The following NARS2 variants were observed in gnomAD, a reference collection of about 807,000 sequenced individuals.
NARS2 encodes asparaginyl-tRNA synthetase 2, mitochondrial, also known as asparaginyl-tRNA synthetase.
Under a neutral mutation model 62.9 loss-of-function variants are expected in NARS2, and 60 were observed. The observed-to-expected ratio is 0.95, with a 90% CI of 0.77 to 1.18. The LOEUF (loss-of-function observed/expected upper bound fraction) is 1.18, where lower values mean the gene tolerates loss of function less well. Ranked by LOEUF, NARS2 falls within the 50% of genes most tolerant of loss-of-function variation. The pLI is 0.00. For missense variants in NARS2, 619 were observed against 576.4 expected (o/e 1.07, Z -0.76); for synonymous variants, 196 against 200.0 (o/e 0.98, Z 0.17).
At chr11:78,440,068 ATTAAT>A (rs2135131923) in intron 13 of NARS2, among the ~76,000 whole-genome samples, 1 of 152,200 alleles carries the variant, frequency 6.6e-6, no homozygotes, top group East Asian at 1.9e-4. Flanking sequence ...TTTTAAATTA[ATTAAT>A]TTATTTTTTG....
intron 11 of NARS2, among the ~76,000 whole-genome samples, chr11:78,457,816 AC>A (rs1858225111): frequency 6.6e-6 from 1 of 151,808 alleles, no homozygotes; most frequent in African/African-American, 2.4e-5. Flanking sequence ...ACACACACAC[AC>A]ACACACACAC....
At chr11:78,529,314 T>C (rs1017146830) in intron 5 of NARS2, among the ~76,000 whole-genome samples, 1 of 152,258 alleles carries the variant, frequency 6.6e-6, no homozygotes, top group African/African-American at 2.4e-5. Context: ...GACTTAATTA[T>C]CTCAAGAGAA....
intron 5 of NARS2, among the ~76,000 whole-genome samples, chr11:78,550,815 A>T (rs1358028460): frequency 1.3e-5 from 2 of 152,228 alleles, no homozygotes; most frequent in Non-Finnish European, 2.9e-5. Context: ...ATAGTGAAAC[A>T]GGTTAAAGGT....
intron 7 of NARS2, among the ~76,000 whole-genome samples, chr11:78,488,223 A>C (rs958994352): frequency 1.4e-5 from 2 of 139,506 alleles, no homozygotes; most frequent in East Asian, 4.2e-4. Context: ...TGAGTGTGTT[A>C]GCCTACCTGG....
Position 78,566,453 on chromosome 11 carries a change from G to A in NARS2, c.373-181C>T, listed in dbSNP as rs141735374. On this transcript the variant is annotated intron_variant, in intron 3 of 13. Transcript: ENST00000281038. ...CACCAGGTAAGTGGAATGGTAGGACGGAATCAGAGACATGTAGGTTTGAAT... is the reference window on the plus strand; with the variant it reads ...CACCAGGTAAGTGGAATGGTAGGACAGAATCAGAGACATGTAGGTTTGAAT... 2.7e-3 allele frequency among the ~76,000 whole-genome samples: 417 copies of A among 152,268 alleles called. 2 individuals carry two copies. The highest frequency in any genetic ancestry group is 8.2e-3 in the African/African-American group (341 of 41,548).
At chr11:78,529,730 T>C (rs1227729620) in intron 5 of NARS2, among the ~76,000 whole-genome samples, 1 of 152,208 alleles carries the variant, frequency 6.6e-6, no homozygotes, top group East Asian at 1.9e-4. Context: ...CTCATTATGT[T>C]GCCCAGGCTG....
At chr11:78,539,092 G>C (rs2135455743) in intron 5 of NARS2, among the ~76,000 whole-genome samples, 1 of 144,628 alleles carries the variant, frequency 6.9e-6, no homozygotes, top group East Asian at 2.3e-4. Context: ...TAAGGAGTTT[G>C]AATTTTATTC....
chr11:78,487,367 A>G (rs1201492437), intron 7 of NARS2, among the ~76,000 whole-genome samples: 15 of 149,374 alleles, frequency 1.0e-4, no homozygotes, highest in African/African-American at 2.5e-4. Context: ...AAAAAAAAAA[A>G]AAAGAAAGAA....
At chr11:78,536,861 C>T (rs887125101) in intron 5 of NARS2, among the ~76,000 whole-genome samples, 21 of 152,094 alleles carry the variant, frequency 1.4e-4, no homozygotes, top group African/African-American at 4.6e-4. Flanking sequence ...CTTGCAATGT[C>T]CATTCATGGT....
At chr11:78,529,582 A>C (rs1362039631) in intron 5 of NARS2, among the ~76,000 whole-genome samples, 1 of 152,242 alleles carries the variant, frequency 6.6e-6, no homozygotes, top group African/African-American at 2.4e-5. Flanking sequence ...ACATTTGTTA[A>C]GAGTTAAGCT....
intron 6 of NARS2, among the ~76,000 whole-genome samples, chr11:78,500,967 C>T (rs1860260811): frequency 6.6e-6 from 1 of 152,004 alleles, no homozygotes; most frequent in Admixed American, 6.6e-5. Flanking sequence ...TGGCATGCGC[C>T]TTTAGTCCCA....
intron 6 of NARS2, among the ~76,000 whole-genome samples, chr11:78,499,075 C>A (rs527989684): frequency 2.0e-5 from 3 of 151,912 alleles, no homozygotes; most frequent in East Asian, 1.9e-4. Flanking sequence ...CGCCACCACG[C>A]CCGGCTAATT....
At chr11:78,541,123 G>A (rs532173294) in intron 5 of NARS2, among the ~76,000 whole-genome samples, 24 of 151,946 alleles carry the variant, frequency 1.6e-4, no homozygotes, top group African/African-American at 5.3e-4. Context: ...TAGTACTATT[G>A]TACTCCAGCC....
chr11:78,505,946 C>A (rs10899536), intron 6 of NARS2, among the ~76,000 whole-genome samples: 107,134 of 151,980 alleles, frequency 0.7, 38,958 homozygotes, highest in Non-Finnish European at 0.81. Flanking sequence ...AAAAAGTACA[C>A]CACCTATATC....
chr11:78,565,570 A>C (rs796100009), intron 4 of NARS2, among the ~76,000 whole-genome samples: 3 of 152,268 alleles, frequency 2.0e-5, no homozygotes, highest in African/African-American at 7.2e-5. Flanking sequence ...GGAGAGACCC[A>C]AGTGGCTAGA....
chr11:78,563,559 T>G (rs2135526060), intron 4 of NARS2, among the ~76,000 whole-genome samples: 1 of 151,382 alleles, frequency 6.6e-6, no homozygotes, highest in African/African-American at 2.4e-5. Flanking sequence ...TTGGCCAGGG[T>G]TGGTGGCTCA....
At chr11:78,541,002 T>C (rs1459150570) in intron 5 of NARS2, among the ~76,000 whole-genome samples, 1 of 152,026 alleles carries the variant, frequency 6.6e-6, no homozygotes, top group Non-Finnish European at 1.5e-5. Context: ...CTACTAAAAA[T>C]ACAAAAATTA....
At chr11:78,545,028 T>C (rs1855803057) in intron 5 of NARS2, among the ~76,000 whole-genome samples, 1 of 152,122 alleles carries the variant, frequency 6.6e-6, no homozygotes, top group Non-Finnish European at 1.5e-5. Context: ...TCCTAATTTA[T>C]AGTGGTCAAA....
chr11:78,491,389 C>CA (rs71046970), intron 7 of NARS2, among the ~76,000 whole-genome samples: 114,313 of 152,104 alleles, frequency 0.75, 43,384 homozygotes, highest in Non-Finnish European at 0.81. Flanking sequence ...ATTGTGTGGC[C>CA]GAATGCCCCT....
Sources: allele counts gnomAD v4.1 joint callset (sites outside exome capture counted in the v4.1 genomes callset), GRCh38; gene constraint gnomAD v4.1.1; transcripts MANE v1.5; gene names NCBI Gene and HGNC (gene_info 2026-07-23, HGNC 2026-07-21).